EXO1: variants seen among roughly 807,000 people sequenced by gnomAD.
EXO1 encodes exonuclease 1.
EXO1 carries 69 observed loss-of-function variants against 84.5 expected under a neutral mutation model. That is an observed-to-expected ratio of 0.82 (90% CI 0.67 to 1.00). The LOEUF (loss-of-function observed/expected upper bound fraction) is 1.00, where lower values mean the gene tolerates loss of function less well. Among genes scored for constraint, EXO1 ranks in the 50% least tolerant of loss-of-function variants. EXO1 has a pLI of 0.00. For synonymous variants in EXO1, 373 were observed against 366.1 expected, an observed-to-expected ratio of 1.02 and a Z score of -0.21; for missense variants, 1,045 against 1,000.7, an observed-to-expected ratio of 1.04 and a Z score of -0.60.
In EXO1 at chr1:241,877,381, G is replaced by T. The variant is rs140185617; in HGVS notation, c.1515-1368G>T. On this transcript the variant is annotated intron_variant, in intron 12 of 15. Coordinates refer to ENST00000366548, the MANE Select transcript of EXO1 (RefSeq NM_130398.4). The stretch of plus-strand genomic sequence containing the variant: ...GTAGGAGAATACTTGGGCATCATAG[G>T]AATTGCCGTTGATTTAAAAATGAAT... 8.0e-4 allele frequency among the ~76,000 whole-genome samples: 121 copies of T among 152,190 alleles called. 1 individual carries two copies. Among genetic ancestry groups the T allele is most frequent in the Middle Eastern group, 3.4e-3 (1 of 294 alleles).
chr1:241,873,770 G>A (rs1407134313), intron 12 of EXO1, among the ~76,000 whole-genome samples: 1 of 152,148 alleles, frequency 6.6e-6, no homozygotes, highest in African/African-American at 2.4e-5. Context: ...GCGTTCAAGG[G>A]GCATCTAATG....
intron 12 of EXO1, 41 bp downstream of exon 12, chr1:241,872,319 A>C: frequency 6.3e-7 from 1 of 1,599,710 alleles, no homozygotes; most frequent in Non-Finnish European, 8.6e-7. Flanking sequence ...CTGTTGTATT[A>C]TGTACTCTGT....
Position 241,857,337 on chromosome 1 carries a change from T to C in EXO1, c.406-8T>C, listed in dbSNP as rs372814475. 8.7e-6 allele frequency: 14 copies of C among 1,611,852 alleles called. No homozygotes were observed. In the African/African-American group the frequency reaches 1.7e-4, roughly 20 times the overall value. On this transcript the variant is annotated splice_region_variant and splice_polypyrimidine_tract_variant and intron_variant, in intron 6 of 15. Coordinates refer to ENST00000366548, the MANE Select transcript of EXO1 (RefSeq NM_130398.4). Reference sequence around the variant, plus strand: ...GTGCTAGAGATTCACTGTGATTCTCTCTTCTAGGCTGCCCGGTCTCAGGGG... The same window carrying C: ...GTGCTAGAGATTCACTGTGATTCTCCCTTCTAGGCTGCCCGGTCTCAGGGG...
intron 5 of EXO1, among the ~76,000 whole-genome samples, chr1:241,852,727 G>A (rs1660741256): frequency 6.6e-6 from 1 of 152,122 alleles, no homozygotes; most frequent in South Asian, 2.1e-4. Flanking sequence ...TATAATCTTG[G>A]CTCGCTGGAA....
chr1:241,852,457 C>G, intron 5 of EXO1, 46 bp downstream of exon 5: 6 of 1,551,972 alleles, frequency 3.9e-6, no homozygotes, highest in Non-Finnish European at 5.3e-6. Flanking sequence ...GCACTAAGGT[C>G]AGACACTGTA....
chr1:241,861,960 C>G (rs1661422464), intron 10 of EXO1, among the ~76,000 whole-genome samples: 1 of 151,900 alleles, frequency 6.6e-6, no homozygotes, highest in African/African-American at 2.4e-5. Context: ...TTTTTTGAGA[C>G]AGAGTTTCAT....
intron 10 of EXO1, among the ~76,000 whole-genome samples, chr1:241,864,123 G>T (rs975124564): frequency 1.3e-5 from 2 of 152,146 alleles, no homozygotes; most frequent in African/African-American, 4.8e-5. Context: ...ATTTGAAGGG[G>T]CCCCGAAAAG....
chr1:241,885,613 C>T (rs1045980570), intron 15 of EXO1, 106 bp downstream of exon 15: 4 of 851,204 alleles, frequency 4.7e-6, no homozygotes, highest in Middle Eastern at 3.2e-4. Context: ...TTTTGTTTCT[C>T]TCACTATAAA....
At chr1:241,859,467 T>C (rs1277577035) in intron 8 of EXO1, among the ~76,000 whole-genome samples, 1 of 152,212 alleles carries the variant, frequency 6.6e-6, no homozygotes, top group East Asian at 1.9e-4. Context: ...CTGTATAAAA[T>C]TACCTTCAGT....
intron 12 of EXO1, among the ~76,000 whole-genome samples, chr1:241,877,426 C>T (rs913633132): frequency 2.6e-5 from 4 of 152,086 alleles, no homozygotes; most frequent in African/African-American, 9.7e-5. Context: ...TATCTAGGAG[C>T]TCATGTTTTC....
intron 15 of EXO1, among the ~76,000 whole-genome samples, chr1:241,889,085 T>A (rs851798): frequency 0.98 from 147,461 of 150,614 alleles, 72,259 homozygotes; most frequent in Non-Finnish European, 1. Context: ...AGAAAAAAAA[T>A]AATAATAAGA....
In EXO1 at chr1:241,860,637, A is replaced by G. The variant is rs1188719443; in HGVS notation, c.877A>G (p.Arg293Gly). The G allele has an allele frequency of 1.9e-6, 3 of 1,613,994 alleles. No individual in the cohort carries two copies. The highest frequency in any genetic ancestry group is 2.5e-6 in the Non-Finnish European group (3 of 1,179,946). ...TCAGCTAGTTTTTGATCCCATCAAA[A>G]GGAAACTTATTCCTCTGAACGCCTA... ...LYQLVFDPIK[R>G]KLIPLNAYED... Residue 293 changes from arginine to glycine, a missense_variant, in exon 9 of 16, where the codon AGG becomes GGG. Coordinates refer to ENST00000366548, the MANE Select transcript of EXO1 (RefSeq NM_130398.4).
intron 13 of EXO1, among the ~76,000 whole-genome samples, chr1:241,879,781 G>A (rs1233213318): frequency 6.6e-6 from 1 of 152,122 alleles, no homozygotes; most frequent in African/African-American, 2.4e-5. Flanking sequence ...GAGGCGAGCG[G>A]ATCACTTGAG....
rs1206067785 is a variant in EXO1 at position 241,857,390 on chromosome 1, G to A, written c.451G>A (p.Ala151Thr). 2 of 1,613,934 alleles carry A rather than the reference G, an allele frequency of 1.2e-6. No homozygotes were observed. Among genetic ancestry groups the A allele is most frequent in the South Asian group, 2.2e-5 (2 of 91,078 alleles). ...GVDCLVAPYE[A>T]DAQLAYLNKA... ...AGATTGCCTCGTGGCTCCCTATGAA[G>A]CTGATGCGCAGTTGGCCTATCTTAA... Residue 151 changes from alanine (A) to threonine (T), a missense_variant, in exon 7 of 16, where the codon GCT becomes ACT. Physicochemically the swap from Ala to Thr is moderately conservative, Grantham distance 58. Transcript: ENST00000366548.
intron 15 of EXO1, among the ~76,000 whole-genome samples, chr1:241,888,679 A>G (rs922368430): frequency 3.9e-5 from 6 of 152,238 alleles, no homozygotes; most frequent in African/African-American, 1.4e-4. Flanking sequence ...TTTTGTTGAC[A>G]GGAGATAGAA....
At chr1:241,873,587 C>T (rs751089105) in intron 12 of EXO1, among the ~76,000 whole-genome samples, 2 of 151,824 alleles carry the variant, frequency 1.3e-5, no homozygotes, top group African/African-American at 2.4e-5. Flanking sequence ...GACTGTGGAG[C>T]TGTAATATTA....
intron 12 of EXO1, among the ~76,000 whole-genome samples, 187 bp downstream of exon 12, chr1:241,872,465 A>G (rs1261171926): frequency 2.6e-5 from 4 of 151,952 alleles, no homozygotes; most frequent in African/African-American, 9.7e-5. Context: ...TCAACCCGTC[A>G]CCTCCATTAG....
At position 241,878,966 on chromosome 1, in the gene EXO1, A is replaced by G. The variant is rs138859903; in HGVS notation, c.1732A>G (p.Thr578Ala). The G allele has an allele frequency of 8.7e-6, 14 of 1,614,194 alleles. No individual in the cohort carries two copies. Among genetic ancestry groups the G allele is most frequent in the Non-Finnish European group, 1.2e-5 (14 of 1,179,996 alleles). ...IPGDHIPDKA[T>A]VFTDEESYSF... ...AGGTGATCATATTCCAGACAAGGCA[A>G]CAGTGTTTACAGATGAAGAGTCCTA... Residue 578 changes from threonine (T) to alanine (A), a missense_variant, in exon 13 of 16, where the codon ACA becomes GCA. Physicochemically the swap from Thr to Ala is moderately conservative, Grantham distance 58. Transcript: ENST00000366548.
intron 15 of EXO1, among the ~76,000 whole-genome samples, chr1:241,886,100 G>A (rs1181362623): frequency 2.6e-5 from 4 of 152,124 alleles, no homozygotes; most frequent in Non-Finnish European, 5.9e-5. Context: ...TGATCCACCC[G>A]CCACGGCCTC....
Sources: gnomAD v4.1 joint callset for allele counts (sites outside exome capture counted in the v4.1 genomes callset) on GRCh38, gnomAD v4.1.1 for gene constraint, MANE v1.5 for transcripts, NCBI Gene and HGNC (gene_info 2026-07-23, HGNC 2026-07-21) for gene names.